Variants in LHFPL4 observed in about 807,000 individuals in gnomAD.
LHFPL4 encodes LHFPL tetraspan subfamily member 4, also known as LHFPL tetraspan subfamily member 4 protein.
Under a neutral mutation model 20.0 loss-of-function variants are expected in LHFPL4, and 6 were observed. The observed-to-expected ratio is 0.30, with a 90% CI of 0.16 to 0.59. The LOEUF (loss-of-function observed/expected upper bound fraction) is 0.59, where lower values mean the gene tolerates loss of function less well. LHFPL4 is among the 20% of genes least tolerant of loss of function. The probability of loss-of-function intolerance (pLI) is 0.88; values close to 1 mark genes in which losing one functional copy is unlikely to be tolerated. For synonymous variants in LHFPL4, 129 were observed against 143.8 expected, an observed-to-expected ratio of 0.90 and a Z score of 0.74; for missense variants, 215 against 331.2, an observed-to-expected ratio of 0.65 and a Z score of 2.72.
At chr3:9,529,322 C>T (rs1382237992) in intron 2 of LHFPL4, among the ~76,000 whole-genome samples, 6 of 152,152 alleles carry the variant, frequency 3.9e-5, no homozygotes, top group Admixed American at 2.0e-4. Context: ...CCACCGCGCC[C>T]GGCCATGAAT....
chr3:9,529,984 A>G (rs1193888087), intron 2 of LHFPL4, among the ~76,000 whole-genome samples: 1 of 151,068 alleles, frequency 6.6e-6, no homozygotes, highest in Non-Finnish European at 1.5e-5. Flanking sequence ...GACTTAAAAT[A>G]TTGAGTAAAC....
chr3:9,523,132 A>G (rs1482965658), intron 2 of LHFPL4, among the ~76,000 whole-genome samples: 11 of 145,610 alleles, frequency 7.6e-5, no homozygotes, highest in East Asian at 2.1e-4. Flanking sequence ...GCAAGCAAGC[A>G]AGCGAGCCAG....
At chr3:9,540,648 A>G (rs1018694723) in intron 2 of LHFPL4, among the ~76,000 whole-genome samples, 2 of 152,066 alleles carry the variant, frequency 1.3e-5, no homozygotes, top group Non-Finnish European at 2.9e-5. Flanking sequence ...CATCCCAGCA[A>G]TTTGAGAGGC....
intron 2 of LHFPL4, among the ~76,000 whole-genome samples, chr3:9,525,405 G>A (rs2046367123): frequency 6.6e-6 from 1 of 152,210 alleles, no homozygotes; most frequent in Non-Finnish European, 1.5e-5. Flanking sequence ...TTCTGCTCCT[G>A]TAAGTTGTGA....
In LHFPL4 at chr3:9,552,860, G is replaced by C. The variant is rs1470172059; in HGVS notation, c.-168-13C>G. 1.1e-5 allele frequency: 2 copies of C among 181,398 alleles called. No homozygotes were observed. The highest frequency in any genetic ancestry group is 4.8e-5 in the African/African-American group (2 of 41,620). The allele number at this position is 181,398 out of a possible 1,614,324, so 11.2% of individuals were successfully genotyped here. The stretch of plus-strand genomic sequence containing the variant: ...CGTCTGGGAGCTGCTAAGGGAGAGA[G>C]GAAGGGGTCATGAGAGTGTTGAGGC... On this transcript the variant is annotated splice_polypyrimidine_tract_variant and intron_variant, in intron 1 of 3. Transcript: ENST00000287585.
At position 9,521,054 on chromosome 3, in the gene LHFPL4, T is replaced by C. The variant is rs375352905; in HGVS notation, c.407-14851A>G. On this transcript the variant is annotated intron_variant, in intron 2 of 3. Coordinates refer to ENST00000287585, the MANE Select transcript of LHFPL4 (RefSeq NM_198560.3). ...ATGCATCTATTTCTCTTTGCACTTC[T>C]ATCAGTTTGCCTCATGTATTTTGAT... Among the ~76,000 whole-genome samples, 7 of 152,256 alleles carry C rather than the reference T, an allele frequency of 4.6e-5. No homozygotes were observed. The East Asian group carries it at 7.7e-4, about 17-fold the overall frequency.
intron 3 of LHFPL4, among the ~76,000 whole-genome samples, chr3:9,502,602 C>T (rs928081880): frequency 6.6e-6 from 1 of 151,822 alleles, no homozygotes; most frequent in Admixed American, 6.6e-5. Flanking sequence ...ACTTGGGAGG[C>T]TGAGGCAGGA....
chr3:9,522,096 T>C (rs542603411), intron 2 of LHFPL4, among the ~76,000 whole-genome samples: 5 of 152,286 alleles, frequency 3.3e-5, no homozygotes, highest in African/African-American at 1.2e-4. Context: ...CATTTCCAAC[T>C]AATGCAAATC....
At chr3:9,505,879 C>T (rs2046214643) in intron 3 of LHFPL4, 88 bp downstream of exon 3, 1 of 1,262,658 alleles carries the variant, frequency 7.9e-7, no homozygotes, top group South Asian at 1.3e-5. Flanking sequence ...ATTCATGCAA[C>T]CCTCTTACTC....
chr3:9,524,720 A>T (rs938280872), intron 2 of LHFPL4, among the ~76,000 whole-genome samples: 1 of 152,232 alleles, frequency 6.6e-6, no homozygotes, highest in Admixed American at 6.5e-5. Flanking sequence ...CTGGTCTGAT[A>T]ATTCCAACAT....
At chr3:9,523,444 C>T (rs2046353255) in intron 2 of LHFPL4, among the ~76,000 whole-genome samples, 1 of 122,090 alleles carries the variant, frequency 8.2e-6, no homozygotes, top group Non-Finnish European at 1.7e-5. Context: ...TGTTTTGAGA[C>T]AGAGTCTTTA....
chr3:9,541,122 T>C (rs957829360), intron 2 of LHFPL4, among the ~76,000 whole-genome samples: 55 of 151,972 alleles, frequency 3.6e-4, no homozygotes, highest in Non-Finnish European at 7.1e-4. Flanking sequence ...TTTTGTATTT[T>C]TAGTAGAGAC....
intron 3 of LHFPL4, among the ~76,000 whole-genome samples, chr3:9,504,246 C>A (rs1362819833): frequency 6.6e-6 from 1 of 152,000 alleles, no homozygotes; most frequent in Non-Finnish European, 1.5e-5. Context: ...TGGCAACATG[C>A]CTGTAATCCC....
At chr3:9,535,569 T>C (rs1390081309) in intron 2 of LHFPL4, among the ~76,000 whole-genome samples, 1 of 152,096 alleles carries the variant, frequency 6.6e-6, no homozygotes, top group African/African-American at 2.4e-5. Flanking sequence ...CAATGATAAT[T>C]TTTAAAAAGC....
At chr3:9,505,237 C>G (rs1008883620) in intron 3 of LHFPL4, among the ~76,000 whole-genome samples, 1 of 151,460 alleles carries the variant, frequency 6.6e-6, no homozygotes, top group African/African-American at 2.4e-5. Context: ...GGTGGTTGTA[C>G]TGTCAGGCAG....
In LHFPL4 at chr3:9,553,678, G is replaced by A. The variant is rs1192072511; in HGVS notation, c.-169+7C>T. 6.6e-6 allele frequency: 1 copy of A among 151,252 alleles called. No homozygotes were observed. The highest frequency in any genetic ancestry group is 2.4e-5 in the African/African-American group (1 of 41,306). The allele number at this position is 151,252 out of a possible 1,614,324, so 9.4% of individuals were successfully genotyped here. A position where few individuals can be genotyped will look rare whatever the true frequency, so the allele number is the denominator to read the frequency against. The stretch of plus-strand genomic sequence containing the variant: ...CGGCCGCGGGGAAAGGGTGCGGGGA[G>A]ACCAACCTGGGCACGGCCGGAGGCA... On this transcript the variant is annotated splice_region_variant and intron_variant, in intron 1 of 3. Transcript: ENST00000287585.
At chr3:9,509,800 A>G (rs890151288) in intron 2 of LHFPL4, among the ~76,000 whole-genome samples, 2 of 152,240 alleles carry the variant, frequency 1.3e-5, no homozygotes, top group Non-Finnish European at 2.9e-5. Context: ...GAAAGGGACC[A>G]GTAGAGATAG....
intron 2 of LHFPL4, among the ~76,000 whole-genome samples, chr3:9,538,668 C>T (rs1359803902): frequency 6.6e-6 from 1 of 151,548 alleles, no homozygotes; most frequent in African/African-American, 2.4e-5. Flanking sequence ...TAGTTGGTAA[C>T]ACCACAGTCA....
chr3:9,507,159 G>GTGCAA (rs1559514464), intron 2 of LHFPL4, among the ~76,000 whole-genome samples: 1 of 152,150 alleles, frequency 6.6e-6, no homozygotes, highest in Non-Finnish European at 1.5e-5. Context: ...GAAGTAATGC[G>GTGCAA]TGCAAAACAC....
Sources: allele counts gnomAD v4.1 joint callset (sites outside exome capture counted in the v4.1 genomes callset), GRCh38; gene constraint gnomAD v4.1.1; transcripts MANE v1.5; gene names NCBI Gene and HGNC (gene_info 2026-07-23, HGNC 2026-07-21).